The following DNAJA1 variants were observed in gnomAD, a reference collection of about 807,000 sequenced individuals.
DNAJA1 encodes the protein dnaJ homolog subfamily A member 1.
Under a neutral mutation model 47.6 loss-of-function variants are expected in DNAJA1, and 26 were observed. The observed-to-expected ratio is 0.55, with a 90% CI of 0.40 to 0.76. DNAJA1 has a LOEUF of 0.76. Ranked by LOEUF, DNAJA1 falls within the 30% of genes least tolerant of loss-of-function variation. The pLI is 0.00. For missense variants in DNAJA1, 315 were observed against 485.0 expected (o/e 0.65, Z 3.29); for synonymous variants, 165 against 158.4 (o/e 1.04, Z -0.31).
chr9:33,029,367 G>A (rs144537509), intron 3 of DNAJA1, among the ~76,000 whole-genome samples: 4 of 152,298 alleles, frequency 2.6e-5, no homozygotes, highest in African/African-American at 9.6e-5. Flanking sequence ...TACTAAATCA[G>A]GAAGAAGTAG....
chr9:33,029,073 A>G (rs185891486), intron 3 of DNAJA1, among the ~76,000 whole-genome samples: 47 of 152,284 alleles, frequency 3.1e-4, no homozygotes, highest in Non-Finnish European at 6.0e-4. Context: ...TTGACCTTCC[A>G]TTTCCTATTC....
chr9:33,031,428 TTTTG>T (rs777970645), intron 5 of DNAJA1, among the ~76,000 whole-genome samples: 32 of 151,954 alleles, frequency 2.1e-4, no homozygotes, highest in Non-Finnish European at 2.5e-4. Flanking sequence ...ATGGGCATGT[TTTTG>T]TTTGTTTGTT....
At chr9:33,036,449 T>G in intron 6 of DNAJA1, 125 bp from the exon 7 acceptor site, 3 of 570,612 alleles carry the variant, frequency 5.3e-6, no homozygotes, top group Non-Finnish European at 6.2e-6. Flanking sequence ...ATTTTTACAA[T>G]GGGGGAAGAA....
At chr9:33,025,763 G>C (rs530268641) in intron 1 of DNAJA1, among the ~76,000 whole-genome samples, 6 of 152,142 alleles carry the variant, frequency 3.9e-5, no homozygotes, top group African/African-American at 7.2e-5. Context: ...GAGGGGCTGC[G>C]GGGGGAGCCG....
intron 6 of DNAJA1, among the ~76,000 whole-genome samples, chr9:33,034,820 TG>T (rs1228971413): frequency 3.9e-5 from 6 of 152,142 alleles, no homozygotes; most frequent in African/African-American, 1.4e-4. Context: ...ACAAGAAAGA[TG>T]GATGATTAAC....
chr9:33,029,514 G>A (rs1264546707), intron 3 of DNAJA1, among the ~76,000 whole-genome samples: 3 of 152,232 alleles, frequency 2.0e-5, no homozygotes, highest in South Asian at 2.1e-4. Flanking sequence ...CGAAGTGAAA[G>A]CTTCAAAAAA....
At chr9:33,037,210 G>T in intron 8 of DNAJA1, 95 bp downstream of exon 8, 1 of 1,001,956 alleles carries the variant, frequency 1.0e-6, no homozygotes, top group Admixed American at 2.4e-5. Context: ...AGTAGCTCAT[G>T]CCTGTAATCC....
Position 33,029,994 on chromosome 9 carries a change from G to A in DNAJA1, c.415+5G>A, listed in dbSNP as rs369423129. On this transcript the variant is annotated splice_donor_5th_base_variant and intron_variant, in intron 4 of 8. Transcript: ENST00000330899. ...TGATTTGTGACAAATGTGAAGGTACGGTGTTTTTTTGTTTTGTTTTGTTTT... is the reference window on the plus strand; with the variant it reads ...TGATTTGTGACAAATGTGAAGGTACAGTGTTTTTTTGTTTTGTTTTGTTTT... The A allele has an allele frequency of 3.7e-6, 6 of 1,607,736 alleles. No homozygotes were observed. Among genetic ancestry groups the A allele is most frequent in the Admixed American group, 1.7e-5 (1 of 58,462 alleles).
chr9:33,036,890 A>G lies in DNAJA1; in HGVS notation c.875-125A>G. 5.5e-6 allele frequency: 5 copies of G among 903,434 alleles called. No individual in the cohort carries two copies. The South Asian group carries it at 8.7e-5, about 16-fold the overall frequency. The allele number at this position is 903,434 out of a possible 1,614,324, so 56.0% of individuals were successfully genotyped here. The stretch of plus-strand genomic sequence containing the variant: ...GGAAAACCCATAAGTGAAAGGTAAC[A>G]GGATTGCTTTGCCACGTAAGTTTTA... On this transcript the variant is annotated intron_variant, in intron 7 of 8. Coordinates refer to ENST00000330899, the MANE Select transcript of DNAJA1 (RefSeq NM_001539.4).
chr9:33,035,022 A>G (rs1839012493), intron 6 of DNAJA1, among the ~76,000 whole-genome samples: 1 of 146,744 alleles, frequency 6.8e-6, no homozygotes, highest in Non-Finnish European at 1.5e-5. Flanking sequence ...AGCCTGGGTG[A>G]CAGTAAGAAC....
intron 5 of DNAJA1, among the ~76,000 whole-genome samples, chr9:33,031,828 T>G (rs960956601): frequency 1.3e-5 from 2 of 152,204 alleles, no homozygotes; most frequent in African/African-American, 4.8e-5. Flanking sequence ...AGACTACCTT[T>G]CATTTTTTTA....
chr9:33,027,688 C>T (rs542158207), intron 3 of DNAJA1, among the ~76,000 whole-genome samples: 1 of 152,020 alleles, frequency 6.6e-6, no homozygotes, highest in East Asian at 2.0e-4. Context: ...CCCATCTCTA[C>T]AAAACTACAG....
Position 33,026,933 on chromosome 9 carries a change from A to G in DNAJA1, c.253A>G (p.Met85Val). ...AGCAGGTGGCGGTTTTGGCTCCCCC[A>G]TGGACATCTTTGATATGTTTTTTGG... ...GGAGGGFGSP[M>V]DIFDMFFGGG... Residue 85 changes from methionine (M) to valine (V), a missense_variant, in exon 3 of 9, where the codon ATG becomes GTG. By Grantham distance (21) the Met-to-Val change is conservative (BLOSUM62 1). Transcript: ENST00000330899. 1 of 1,614,158 alleles carries G rather than the reference A, an allele frequency of 6.2e-7. No homozygotes were observed. The highest frequency in any genetic ancestry group is 8.5e-7 in the Non-Finnish European group (1 of 1,180,014).
At chr9:33,032,851 C>T (rs988785542) in intron 5 of DNAJA1, among the ~76,000 whole-genome samples, 13 of 151,790 alleles carry the variant, frequency 8.6e-5, no homozygotes, top group African/African-American at 2.9e-4. Flanking sequence ...GGGGGGCATG[C>T]GTAGGGGTGT....
chr9:33,029,775 C>T, intron 3 of DNAJA1, 110 bp from the exon 4 acceptor site: 1 of 777,274 alleles, frequency 1.3e-6, no homozygotes, highest in Non-Finnish European at 2.0e-6. Context: ...ACAGATGTAC[C>T]CTGTGAGGCT....
At chr9:33,037,317 C>CAAA in intron 8 of DNAJA1, 6 of 160,000 alleles carry the variant, frequency 3.7e-5, no homozygotes, top group East Asian at 1.9e-4. Context: ...TTTAAAAAAA[C>CAAA]AAAAAAAAAA....
chr9:33,030,831 A>G (rs1467322364), intron 5 of DNAJA1, among the ~76,000 whole-genome samples, 164 bp downstream of exon 5: 1 of 152,200 alleles, frequency 6.6e-6, no homozygotes, highest in Non-Finnish European at 1.5e-5. Context: ...ATCCAGACAT[A>G]ATTTTGCACA....
At chr9:33,026,391 C>T in intron 1 of DNAJA1, 84 bp from the exon 2 acceptor site, 1 of 1,459,484 alleles carries the variant, frequency 6.9e-7, no homozygotes, top group Non-Finnish European at 9.2e-7. Flanking sequence ...TCGGATTTTG[C>T]AAAGAGATTG....
At chr9:33,028,777 TATACTC>T (rs1488064489) in intron 3 of DNAJA1, among the ~76,000 whole-genome samples, 2 of 152,208 alleles carry the variant, frequency 1.3e-5, no homozygotes, top group African/African-American at 4.8e-5. Flanking sequence ...TTTCCTTCCT[TATACTC>T]AACACTGTTC....
Sources: gnomAD v4.1 joint callset for allele counts (sites outside exome capture counted in the v4.1 genomes callset) on GRCh38, gnomAD v4.1.1 for gene constraint, MANE v1.5 for transcripts, NCBI Gene and HGNC (gene_info 2026-07-23, HGNC 2026-07-21) for gene names.